Variants in PPP2R3C observed in about 807,000 individuals in gnomAD.
PPP2R3C encodes serine/threonine-protein phosphatase 2A regulatory subunit B'' subunit gamma.
A neutral mutation model predicts 63.7 loss-of-function variants in PPP2R3C; 47 were observed. The ratio of observed to expected loss-of-function variants is 0.74; its 90% CI spans 0.58 to 0.94. The LOEUF (loss-of-function observed/expected upper bound fraction) is 0.94. Ranked by LOEUF, PPP2R3C falls within the 40% of genes least tolerant of loss-of-function variation. The probability of loss-of-function intolerance (pLI) is 0.00; values close to 1 mark genes in which losing one functional copy is unlikely to be tolerated. For synonymous variants in PPP2R3C, 180 were observed against 177.4 expected (o/e 1.01, Z -0.12); for missense variants, 421 against 518.4 (o/e 0.81, Z 1.82).
chr14:35,085,830 C>T (rs749704145), intron 12 of PPP2R3C, 52 bp from the exon 13 acceptor site: 2 of 1,444,712 alleles, frequency 1.4e-6, no homozygotes, highest in South Asian at 2.6e-5. Context: ...ATTTCTATCA[C>T]ACATAGTGAT....
intron 12 of PPP2R3C, 94 bp from the exon 13 acceptor site, chr14:35,085,872 G>C: frequency 3.1e-6 from 3 of 967,510 alleles, no homozygotes; most frequent in Non-Finnish European, 4.4e-6. Flanking sequence ...ATCCACTGAA[G>C]TACAGAGGAA....
intron 10 of PPP2R3C, among the ~76,000 whole-genome samples, chr14:35,094,498 T>C (rs2045933162): frequency 6.7e-6 from 1 of 148,974 alleles, no homozygotes; most frequent in Admixed American, 6.7e-5. Context: ...AAAAAAAAAC[T>C]AGAATGCACT....
At chr14:35,109,114 T>G (rs1432590129) in intron 4 of PPP2R3C, among the ~76,000 whole-genome samples, 1 of 152,060 alleles carries the variant, frequency 6.6e-6, no homozygotes, top group Non-Finnish European at 1.5e-5. Context: ...TGGAGTGCAG[T>G]GGCACGATCT....
rs1223641852 is a variant in PPP2R3C at position 35,116,593 on chromosome 14, G to T, written c.186+17C>A. 6.4e-7 allele frequency: 1 copy of T among 1,550,670 alleles called. No individual in the cohort carries two copies. The highest frequency in any genetic ancestry group is 1.2e-5 in the South Asian group (1 of 82,684). On this transcript the variant is annotated intron_variant, in intron 2 of 12. Transcript: ENST00000261475. Reference sequence around the variant, plus strand: ...CATTTTTAAACTCTGCAGGACATTTGATTAGACACTACTTACCCTATAATA... The same window carrying T: ...CATTTTTAAACTCTGCAGGACATTTTATTAGACACTACTTACCCTATAATA...
intron 6 of PPP2R3C, among the ~76,000 whole-genome samples, chr14:35,103,668 G>C (rs904447428): frequency 7.9e-5 from 12 of 151,852 alleles, no homozygotes; most frequent in African/African-American, 2.7e-4. Flanking sequence ...AGAAATCTGG[G>C]CAAGAAAACA....
intron 7 of PPP2R3C, among the ~76,000 whole-genome samples, chr14:35,098,245 A>G (rs1201128906): frequency 6.8e-6 from 1 of 146,862 alleles, no homozygotes; most frequent in Non-Finnish European, 1.5e-5. Context: ...CAGTGGCCCG[A>G]TCTTGGCTCA....
intron 1 of PPP2R3C, among the ~76,000 whole-genome samples, chr14:35,120,460 T>C (rs2046836516): frequency 7.0e-6 from 1 of 143,162 alleles, no homozygotes; most frequent in South Asian, 2.3e-4. Context: ...TTAGCCAGGA[T>C]GGTCTCGATC....
In PPP2R3C at chr14:35,088,016, TTTAATAGAAATAA is replaced by T; in HGVS notation, c.1114-19_1114-7del. The T allele has an allele frequency of 6.3e-7, 1 of 1,575,110 alleles. No individual in the cohort carries two copies. The highest frequency in any genetic ancestry group is 1.1e-5 in the South Asian group (1 of 90,162). On this transcript the variant is annotated splice_region_variant and splice_polypyrimidine_tract_variant and intron_variant, in intron 11 of 12. Coordinates refer to ENST00000261475, the MANE Select transcript of PPP2R3C (RefSeq NM_017917.4). ...TTCATTAGTTCCTGTATGGCCTGTA[TTTAATAGAAATAA>T]ATCTGTAAATAAAAAATGAAATACA...
chr14:35,096,772 A>C lies in PPP2R3C; in HGVS notation c.707-8T>G, dbSNP rs1482483053. 1 of 1,559,706 alleles carries C rather than the reference A, an allele frequency of 6.4e-7. No homozygotes were observed. Among genetic ancestry groups the C allele is most frequent in the South Asian group, 1.2e-5 (1 of 83,326 alleles). On this transcript the variant is annotated splice_polypyrimidine_tract_variant and splice_region_variant and intron_variant, in intron 7 of 12. Transcript: ENST00000261475. Reference sequence around the variant, plus strand: ...CTTGAATTTTTATCTTTCCTTTAAGAACATAAAGAAACACAATTAATTTCA... The same window carrying C: ...CTTGAATTTTTATCTTTCCTTTAAGCACATAAAGAAACACAATTAATTTCA...
At chr14:35,096,429 A>G in intron 9 of PPP2R3C, 129 bp downstream of exon 9, 1 of 897,914 alleles carries the variant, frequency 1.1e-6, no homozygotes, top group Non-Finnish European at 1.7e-6. Context: ...GTAATGTAGA[A>G]TACTAAAGCT....
chr14:35,087,805 G>A (rs184613341), intron 12 of PPP2R3C, 146 bp downstream of exon 12: 28 of 643,484 alleles, frequency 4.4e-5, no homozygotes, highest in African/African-American at 3.3e-4. Flanking sequence ...GTCTCAGTTC[G>A]TAATGATTTA....
Position 35,107,302 on chromosome 14 carries a change from A to C in PPP2R3C, c.573+2T>G, listed in dbSNP as rs752345741. ...TATAATATCTATAAGGTTAACACTT[A>C]CAGATTCCCGAAGGTACCCCTGCCC... On this transcript the variant is annotated splice_donor_variant, in intron 6 of 12. Transcript: ENST00000261475. LOFTEE classifies it high-confidence loss of function. 4 of 1,588,196 alleles carry C rather than the reference A, an allele frequency of 2.5e-6. No homozygotes were observed. Among genetic ancestry groups the C allele is most frequent in the Non-Finnish European group, 3.5e-6 (4 of 1,156,404 alleles).
intron 7 of PPP2R3C, among the ~76,000 whole-genome samples, chr14:35,098,439 C>T (rs1045435739): frequency 2.7e-5 from 4 of 150,630 alleles, no homozygotes; most frequent in Non-Finnish European, 5.9e-5. Flanking sequence ...CTCTGCCTCC[C>T]GGGTTCAAGC....
At chr14:35,110,821 C>T in intron 2 of PPP2R3C, 192 bp from the exon 3 acceptor site, 1 of 524,832 alleles carries the variant, frequency 1.9e-6, no homozygotes, top group South Asian at 2.5e-5. Context: ...TGGATCTCTG[C>T]CCTGAAAAAG....
chr14:35,105,504 T>G (rs547418522), intron 6 of PPP2R3C, among the ~76,000 whole-genome samples: 3 of 151,776 alleles, frequency 2.0e-5, no homozygotes, highest in African/African-American at 7.3e-5. Context: ...TTTTTAAAGT[T>G]TGAAGAAAAA....
In PPP2R3C at chr14:35,085,511, TTC is replaced by T. The variant is rs2045561520; in HGVS notation, c.*77_*78del. On this transcript the variant is annotated 3_prime_UTR_variant, in exon 13 of 13. Coordinates refer to ENST00000261475, the MANE Select transcript of PPP2R3C (RefSeq NM_017917.4). ...ATATCAAGTGTTTTATTTAGACCAT[TTC>T]TGAGGATTTTGCTTTAAAGGCTTTA... 6 of 1,295,172 alleles carry T rather than the reference TTC, an allele frequency of 4.6e-6. No individual in the cohort carries two copies. In the South Asian group the frequency reaches 6.4e-5, roughly 14 times the overall value. 80.2% of individuals were successfully genotyped at this position (1,295,172 alleles called of 1,614,324 possible).
At chr14:35,116,561 T>G (rs1440830225) in intron 2 of PPP2R3C, 49 bp downstream of exon 2, 1 of 1,442,360 alleles carries the variant, frequency 6.9e-7, no homozygotes. Context: ...TGCCAAAAAT[T>G]ATATTTCATT....
chr14:35,089,421 G>T (rs2045717330), intron 11 of PPP2R3C, among the ~76,000 whole-genome samples: 1 of 151,836 alleles, frequency 6.6e-6, no homozygotes, highest in Non-Finnish European at 1.5e-5. Flanking sequence ...TATTTTCATG[G>T]TTTATTTCAA....
intron 1 of PPP2R3C, 136 bp from the exon 2 acceptor site, chr14:35,116,873 A>AGTGT: frequency 1.5e-6 from 1 of 682,098 alleles, no homozygotes; most frequent in Non-Finnish European, 2.2e-6. Flanking sequence ...GTGCTTAGAC[A>AGTGT]CTGAGCATAT....
Sources: allele counts gnomAD v4.1 joint callset (sites outside exome capture counted in the v4.1 genomes callset), GRCh38; gene constraint gnomAD v4.1.1; transcripts MANE v1.5; gene names NCBI Gene and HGNC (gene_info 2026-07-23, HGNC 2026-07-21).